The following OCRL variants were observed in gnomAD, a reference collection of about 807,000 sequenced individuals.
OCRL encodes inositol polyphosphate 5-phosphatase OCRL.
A neutral mutation model predicts 78.9 loss-of-function variants in OCRL; 8 were observed. The ratio of observed to expected loss-of-function variants is 0.10; its 90% CI spans 0.06 to 0.18. The LOEUF (loss-of-function observed/expected upper bound fraction) is 0.18, where lower values mean the gene tolerates loss of function less well. Ranked by LOEUF, OCRL falls within the 10% of genes least tolerant of loss-of-function variation. OCRL has a pLI of 1.00. For missense variants in OCRL, 454 were observed against 696.7 expected, an observed-to-expected ratio of 0.65 and a Z score of 3.92; for synonymous variants, 240 against 235.4, an observed-to-expected ratio of 1.02 and a Z score of -0.18.
At chrX:129,560,010 A>G (rs969746692) in intron 8 of OCRL, among the ~76,000 whole-genome samples, 2 of 111,935 alleles carry the variant, frequency 1.8e-5, no homozygotes, top group East Asian at 2.8e-4. Flanking sequence ...GCAGTTCCTC[A>G]TATCCCCCAC....
intron 1 of OCRL, 85 bp from the exon 2 acceptor site, chrX:129,540,659 G>GA (rs1247603807): frequency 2.5e-6 from 2 of 797,743 alleles, no homozygotes; most frequent in East Asian, 3.3e-5. Flanking sequence ...GGCGGTGGGG[G>GA]GGGGGTGGAA....
At chrX:129,581,300 A>G (rs1936436329) in intron 18 of OCRL, among the ~76,000 whole-genome samples, 1 of 112,771 alleles carries the variant, frequency 8.9e-6, no homozygotes, top group Non-Finnish European at 1.9e-5. Context: ...GCTATGTGCC[A>G]GTGTTGTCCC....
At chrX:129,573,772 G>A (rs1936333310) in intron 15 of OCRL, among the ~76,000 whole-genome samples, 1 of 111,002 alleles carries the variant, frequency 9.0e-6, no homozygotes, top group Non-Finnish European at 1.9e-5. Context: ...GTTGGCTGGG[G>A]TGGTTTCGAA....
At chrX:129,580,018 G>A (rs1936420730) in intron 18 of OCRL, among the ~76,000 whole-genome samples, 1 of 112,125 alleles carries the variant, frequency 8.9e-6, no homozygotes, top group African/African-American at 3.2e-5. Flanking sequence ...CCTTTCCTAT[G>A]TTGTTTATTC....
intron 16 of OCRL, 42 bp downstream of exon 16, chrX:129,575,292 GGTT>G: frequency 2.3e-6 from 2 of 888,398 alleles, no homozygotes; most frequent in Non-Finnish European, 3.3e-6. Flanking sequence ...TGCTCACTGT[GGTT>G]AGCACAGAAG....
chrX:129,575,468 G>A (rs1285664520), intron 16 of OCRL, among the ~76,000 whole-genome samples: 1 of 112,192 alleles, frequency 8.9e-6, no homozygotes, highest in Non-Finnish European at 1.9e-5. Flanking sequence ...GGATTAAGGG[G>A]TAGTTGTAAG....
At chrX:129,544,459 T>C (rs763720267) in intron 2 of OCRL, among the ~76,000 whole-genome samples, 1 of 111,768 alleles carries the variant, frequency 8.9e-6, no homozygotes, top group Non-Finnish European at 1.9e-5. Context: ...ACCTGAATGC[T>C]TGTTTGAAGA....
intron 18 of OCRL, among the ~76,000 whole-genome samples, chrX:129,583,599 G>A (rs1401482972): frequency 8.9e-6 from 1 of 111,913 alleles, no homozygotes; most frequent in Non-Finnish European, 1.9e-5. Flanking sequence ...CATGACAGAT[G>A]CTCCCTAAGT....
At position 129,540,788 on chromosome X, in the gene OCRL, C is replaced by T; in HGVS notation, c.84C>T (p.Cys28=). The T allele has an allele frequency of 1.7e-6, 2 of 1,210,003 alleles. No homozygotes were observed. The highest frequency in any genetic ancestry group is 2.2e-6 in the Non-Finnish European group (2 of 893,837). The change falls in exon 2 of 24, where the codon TGC becomes TGT. Residue 28 remains cysteine (C), a synonymous_variant. Coordinates refer to ENST00000371113, the MANE Select transcript of OCRL (RefSeq NM_000276.4). ...MEMKGPLREP[C]ALTLAQRNGQ... ...TGAAGGGTCCTCTCCGGGAGCCCTG[C>T]GCCCTGACCCTAGCCCAGAGGAACG...
chrX:129,565,968 A>G, intron 13 of OCRL, 85 bp downstream of exon 13: 5 of 641,457 alleles, frequency 7.8e-6, no homozygotes, highest in Non-Finnish European at 1.0e-5. Flanking sequence ...TACTCTAGGG[A>G]GTGATGGAAA....
chrX:129,587,154 G>GGT, intron 20 of OCRL, 36 bp downstream of exon 20: 1 of 872,188 alleles, frequency 1.1e-6, no homozygotes, highest in East Asian at 3.1e-5. Flanking sequence ...AACTTTGGAA[G>GGT]GTGTGTAACT....
intron 4 of OCRL, 58 bp downstream of exon 4, chrX:129,548,659 C>T: frequency 1.2e-5 from 12 of 1,000,476 alleles, no homozygotes; most frequent in Non-Finnish European, 1.1e-5. Context: ...CTTGAACACT[C>T]ACTACATTTA....
intron 15 of OCRL, among the ~76,000 whole-genome samples, chrX:129,570,776 TCAA>T (rs1284517844): frequency 1.8e-5 from 2 of 112,537 alleles, no homozygotes; most frequent in Admixed American, 1.9e-4. Context: ...AGTTGATCCT[TCAA>T]CAACATGGGT....
At chrX:129,547,795 A>G (rs1222400477) in intron 3 of OCRL, among the ~76,000 whole-genome samples, 1 of 111,566 alleles carries the variant, frequency 9.0e-6, no homozygotes, top group Non-Finnish European at 1.9e-5. Flanking sequence ...AGACTACTCC[A>G]TTTGACCAAG....
chrX:129,570,738 C>T (rs540667572), intron 15 of OCRL, among the ~76,000 whole-genome samples: 1 of 112,598 alleles, frequency 8.9e-6, no homozygotes, highest in South Asian at 3.6e-4. Context: ...CTCATTTACT[C>T]CTCACAACAA....
At chrX:129,575,871 G>A (rs779779726) in intron 16 of OCRL, 26 bp from the exon 17 acceptor site, 23 of 1,208,109 alleles carry the variant, frequency 1.9e-5, no homozygotes, top group Non-Finnish European at 2.6e-5. Context: ...AGTGATGCAT[G>A]TTTGTGTCTG....
chrX:129,559,692 C>T (rs775502096), intron 8 of OCRL, among the ~76,000 whole-genome samples: 4 of 110,964 alleles, frequency 3.6e-5, no homozygotes, highest in Non-Finnish European at 7.6e-5. Flanking sequence ...CCATCATTAC[C>T]ACTAGCTCTT....
At chrX:129,552,360 AAAGAATGAGTTTTCCTC>A (rs1390639245) in intron 4 of OCRL, among the ~76,000 whole-genome samples, 2 of 112,324 alleles carry the variant, frequency 1.8e-5, no homozygotes, top group Admixed American at 1.9e-4. Flanking sequence ...AACACTGCAC[AAAGAATGAGTTTTCCTC>A]AAGGGGGAAG....
intron 2 of OCRL, among the ~76,000 whole-genome samples, chrX:129,542,964 T>C (rs1348836346): frequency 8.9e-6 from 1 of 111,835 alleles, no homozygotes; most frequent in African/African-American, 3.2e-5. Context: ...AAATCAGGGT[T>C]TTTTTGGAAA....
Sources: gnomAD v4.1 joint callset for allele counts (sites outside exome capture counted in the v4.1 genomes callset) on GRCh38, gnomAD v4.1.1 for gene constraint, MANE v1.5 for transcripts, NCBI Gene and HGNC (gene_info 2026-07-23, HGNC 2026-07-21) for gene names.